The following CTNNA1 variants were observed in gnomAD, a reference collection of about 807,000 sequenced individuals.
The protein encoded by CTNNA1 is catenin alpha-1.
CTNNA1 carries 37 observed loss-of-function variants against 98.4 expected under a neutral mutation model. The observed-to-expected ratio is 0.38, with a 90% CI of 0.29 to 0.49. CTNNA1 has a LOEUF of 0.49. Among genes scored for constraint, CTNNA1 ranks in the 20% least tolerant of loss-of-function variants. The pLI is 0.95. For synonymous variants in CTNNA1, 404 were observed against 413.2 expected, an observed-to-expected ratio of 0.98 and a Z score of 0.27; for missense variants, 761 against 1,147.2, an observed-to-expected ratio of 0.66 and a Z score of 4.86.
At chr5:138,783,472 G>A in intron 3 of CTNNA1, 100 bp downstream of exon 3, 1 of 960,358 alleles carries the variant, frequency 1.0e-6, no homozygotes, top group Non-Finnish European at 1.6e-6. Flanking sequence ...TCTTATGCTT[G>A]CCAATTGCTC....
chr5:138,792,447 T>G (rs1030402610), intron 3 of CTNNA1, among the ~76,000 whole-genome samples: 1 of 152,186 alleles, frequency 6.6e-6, no homozygotes, highest in Non-Finnish European at 1.5e-5. Context: ...GCCTGGAAGA[T>G]AGATGTTAAA....
At chr5:138,773,183 G>A (rs976482466) in intron 1 of CTNNA1, among the ~76,000 whole-genome samples, 4 of 152,166 alleles carry the variant, frequency 2.6e-5, no homozygotes, top group African/African-American at 9.7e-5. Context: ...GATGTTCAGC[G>A]TCATTCTTGG....
At position 138,930,877 on chromosome 5, in the gene CTNNA1, A is replaced by C. The variant is rs770197152; in HGVS notation, c.2240A>C (p.Lys747Thr). ...KNTSDVISAA[K>T]KIAEAGSRMD... Reference sequence around the variant, plus strand: ...ACATCGGATGTCATCAGTGCTGCCAAGAAAATTGCTGAGGCAGGATCCAGG... The same window carrying C: ...ACATCGGATGTCATCAGTGCTGCCACGAAAATTGCTGAGGCAGGATCCAGG... The change falls in exon 16 of 18, where the codon AAG (lysine) becomes ACG (threonine). Residue 747 changes from lysine to threonine, a missense_variant. By Grantham distance (78) the Lys-to-Thr change is moderately conservative. Around this residue, in one of 6 missense-constraint regions of CTNNA1, gnomAD observed 77 missense variants for 198.8 expected, o/e 0.39. Coordinates refer to ENST00000302763, the MANE Select transcript of CTNNA1 (RefSeq NM_001903.5). The C allele has an allele frequency of 6.2e-7, 1 of 1,614,128 alleles. No homozygotes were observed. The highest frequency in any genetic ancestry group is 8.5e-7 in the Non-Finnish European group (1 of 1,179,938).
intron 1 of CTNNA1, among the ~76,000 whole-genome samples, chr5:138,774,902 C>T (rs546251610): frequency 6.6e-6 from 1 of 152,210 alleles, no homozygotes; most frequent in East Asian, 1.9e-4. Context: ...AGCCACCGCG[C>T]CCGTCCTGTG....
chr5:138,788,313 G>A (rs940284998), intron 3 of CTNNA1, among the ~76,000 whole-genome samples: 1 of 152,078 alleles, frequency 6.6e-6, no homozygotes, highest in Admixed American at 6.6e-5. Flanking sequence ...ATTATTCTCC[G>A]AGAAGTACAG....
At chr5:138,778,185 G>A (rs1278222023) in intron 1 of CTNNA1, among the ~76,000 whole-genome samples, 3 of 151,574 alleles carry the variant, frequency 2.0e-5, no homozygotes, top group Non-Finnish European at 2.9e-5. Context: ...TAGTAGAGAC[G>A]GGGTTTCACA....
chr5:138,907,058 G>C (rs946007650), intron 10 of CTNNA1, among the ~76,000 whole-genome samples: 11 of 152,050 alleles, frequency 7.2e-5, no homozygotes, highest in African/African-American at 2.7e-4. Context: ...GTCTGACTCT[G>C]TCACCCAGGC....
At chr5:138,842,461 C>A (rs1226312166) in intron 7 of CTNNA1, among the ~76,000 whole-genome samples, 2 of 152,184 alleles carry the variant, frequency 1.3e-5, no homozygotes, top group Non-Finnish European at 2.9e-5. Flanking sequence ...TGTTTGTTTT[C>A]TAAAATTGGC....
At chr5:138,810,004 T>A in intron 3 of CTNNA1, 34 bp from the exon 4 acceptor site, 1 of 1,576,088 alleles carries the variant, frequency 6.3e-7, no homozygotes, top group Non-Finnish European at 8.7e-7. Flanking sequence ...TTGAGTTCAT[T>A]CTTGCTGAGT....
At chr5:138,913,537 T>C (rs1337042781) in intron 10 of CTNNA1, among the ~76,000 whole-genome samples, 1 of 151,772 alleles carries the variant, frequency 6.6e-6, no homozygotes, top group Non-Finnish European at 1.5e-5. Flanking sequence ...TGAGCTGAGA[T>C]TATGCCACTG....
chr5:138,887,350 C>A, intron 8 of CTNNA1, 140 bp from the exon 9 acceptor site: 1 of 564,406 alleles, frequency 1.8e-6, no homozygotes, highest in East Asian at 3.1e-5. Context: ...AACTGCATGG[C>A]TTACATGAGG....
intron 7 of CTNNA1, among the ~76,000 whole-genome samples, chr5:138,883,641 G>A (rs910064157): frequency 6.6e-6 from 1 of 152,168 alleles, no homozygotes; most frequent in Non-Finnish European, 1.5e-5. Flanking sequence ...AGGGGATTGG[G>A]CTTTCATGAA....
intron 7 of CTNNA1, among the ~76,000 whole-genome samples, chr5:138,876,548 A>C (rs750589258): frequency 1.3e-5 from 2 of 152,212 alleles, no homozygotes; most frequent in Non-Finnish European, 2.9e-5. Flanking sequence ...CCTTTTCTAC[A>C]TCTTGCCTTA....
chr5:138,761,251 T>C (rs965379943), intron 1 of CTNNA1, among the ~76,000 whole-genome samples: 2 of 152,224 alleles, frequency 1.3e-5, no homozygotes, highest in African/African-American at 4.8e-5. Context: ...TTTATTTTTT[T>C]TGAGACAGAG....
At chr5:138,810,429 A>G (rs2149728355) in intron 4 of CTNNA1, among the ~76,000 whole-genome samples, 1 of 152,356 alleles carries the variant, frequency 6.6e-6, no homozygotes, top group South Asian at 2.1e-4. Context: ...AAGAACTTGT[A>G]GCAAAGATAC....
intron 7 of CTNNA1, among the ~76,000 whole-genome samples, chr5:138,867,141 A>G (rs913547105): frequency 2.0e-5 from 3 of 152,218 alleles, no homozygotes; most frequent in African/African-American, 7.2e-5. Context: ...TCCTTTGTGC[A>G]ATTTAAAACC....
At chr5:138,816,776 C>A (rs974141322) in intron 5 of CTNNA1, among the ~76,000 whole-genome samples, 1 of 151,988 alleles carries the variant, frequency 6.6e-6, no homozygotes, top group African/African-American at 2.4e-5. Context: ...TCTCGACTCA[C>A]TGCAACCTCC....
At chr5:138,853,627 G>A (rs989912613) in intron 7 of CTNNA1, among the ~76,000 whole-genome samples, 2 of 152,186 alleles carry the variant, frequency 1.3e-5, no homozygotes, top group Non-Finnish European at 2.9e-5. Context: ...ATGCACATAA[G>A]TTTGGGACTA....
At chr5:138,914,134 G>A (rs549773141) in intron 10 of CTNNA1, among the ~76,000 whole-genome samples, 2 of 152,138 alleles carry the variant, frequency 1.3e-5, no homozygotes, top group Non-Finnish European at 2.9e-5. Flanking sequence ...CTTAGGCAAG[G>A]TGCTTCCCCT....
Sources: allele counts gnomAD v4.1 joint callset (sites outside exome capture counted in the v4.1 genomes callset), GRCh38; gene constraint gnomAD v4.1.1; regional missense constraint gnomAD v4.1.1; transcripts MANE v1.5; gene names NCBI Gene and HGNC (gene_info 2026-07-23, HGNC 2026-07-21).